CNTN5: variants seen among roughly 807,000 people sequenced by gnomAD.
CNTN5 encodes the protein contactin-5.
Under a neutral mutation model 129.1 loss-of-function variants are expected in CNTN5, and 77 were observed. The ratio of observed to expected loss-of-function variants is 0.60; its 90% CI spans 0.50 to 0.72. CNTN5 has a LOEUF of 0.72. Among genes scored for constraint, CNTN5 ranks in the 30% least tolerant of loss-of-function variants. The pLI, the probability that CNTN5 is intolerant of heterozygous loss-of-function variation, is 0.00. For missense variants in CNTN5, 1,478 were observed against 1,328.8 expected, an observed-to-expected ratio of 1.11 and a Z score of -1.75; for synonymous variants, 509 against 465.6, an observed-to-expected ratio of 1.09 and a Z score of -1.20.
chr11:99,651,723 T>C (rs898207415), intron 3 of CNTN5, among the ~76,000 whole-genome samples: 1 of 152,116 alleles, frequency 6.6e-6, no homozygotes, highest in East Asian at 1.9e-4. Flanking sequence ...AGCACTTACT[T>C]TTTAACCCTA....
chr11:100,133,243 G>A (rs1474799891), intron 13 of CNTN5, among the ~76,000 whole-genome samples: 1 of 152,108 alleles, frequency 6.6e-6, no homozygotes, highest in East Asian at 1.9e-4. Flanking sequence ...CACACAGGCT[G>A]TCAGCTTTTA....
intron 3 of CNTN5, among the ~76,000 whole-genome samples, chr11:99,716,752 G>A (rs1276050285): frequency 6.6e-6 from 1 of 152,088 alleles, no homozygotes. Context: ...AATAGTTTAA[G>A]TTCTCTAACT....
chr11:99,094,489 A>G (rs1450012527), intron 1 of CNTN5, among the ~76,000 whole-genome samples: 1 of 152,060 alleles, frequency 6.6e-6, no homozygotes, highest in Non-Finnish European at 1.5e-5. Context: ...ATTTTTAGGT[A>G]GAAACAAAAT....
chr11:99,920,331 C>G (rs1353926547), intron 7 of CNTN5, among the ~76,000 whole-genome samples: 1 of 152,090 alleles, frequency 6.6e-6, no homozygotes, highest in Non-Finnish European at 1.5e-5. Flanking sequence ...CTTCTTATCT[C>G]CTTAATAAAC....
At chr11:99,262,985 A>G (rs143064079) in intron 1 of CNTN5, among the ~76,000 whole-genome samples, 249 of 152,178 alleles carry the variant, frequency 1.6e-3, no homozygotes, top group African/African-American at 5.7e-3. Flanking sequence ...CCCTATGTCA[A>G]AATGAATTTT....
intron 16 of CNTN5, among the ~76,000 whole-genome samples, chr11:100,253,377 T>C (rs1950008553): frequency 6.6e-6 from 1 of 152,134 alleles, no homozygotes; most frequent in African/African-American, 2.4e-5. Context: ...AAACTTAACA[T>C]ATAATAAGGT....
intron 3 of CNTN5, among the ~76,000 whole-genome samples, chr11:99,682,103 T>C (rs1199224574): frequency 6.6e-6 from 1 of 151,994 alleles, no homozygotes; most frequent in Non-Finnish European, 1.5e-5. Context: ...ATACACAAAT[T>C]GTTTATGAAT....
intron 2 of CNTN5, among the ~76,000 whole-genome samples, chr11:99,382,382 T>TGCAGAC (rs1940621198): frequency 6.6e-6 from 1 of 152,148 alleles, no homozygotes. Flanking sequence ...CACGGACAGA[T>TGCAGAC]GCAGACGCAG....
chr11:100,234,843 TG>T (rs1168250715), intron 16 of CNTN5, among the ~76,000 whole-genome samples: 9 of 130,274 alleles, frequency 6.9e-5, no homozygotes, highest in Admixed American at 6.8e-4. Flanking sequence ...CTAAATAAAA[TG>T]CCACCAGGAA....
At chr11:99,194,674 C>T (rs577915040) in intron 1 of CNTN5, among the ~76,000 whole-genome samples, 65 of 152,178 alleles carry the variant, frequency 4.3e-4, no homozygotes, top group African/African-American at 1.5e-3. Context: ...GGCCCGATCT[C>T]GGCTCACTGC....
intron 2 of CNTN5, among the ~76,000 whole-genome samples, chr11:99,415,472 C>T (rs905556094): frequency 2.6e-5 from 4 of 152,144 alleles, no homozygotes; most frequent in Admixed American, 2.6e-4. Flanking sequence ...GTCTTATAAC[C>T]TATACCAGGT....
At chr11:99,169,323 T>G (rs1200601425) in intron 1 of CNTN5, among the ~76,000 whole-genome samples, 3 of 152,024 alleles carry the variant, frequency 2.0e-5, no homozygotes, top group Non-Finnish European at 4.4e-5. Context: ...TTTATAGTCA[T>G]GACTTGGAGA....
intron 6 of CNTN5, among the ~76,000 whole-genome samples, chr11:99,895,983 G>A (rs190841496): frequency 6.6e-6 from 1 of 152,268 alleles, no homozygotes; most frequent in East Asian, 1.9e-4. Flanking sequence ...GGACTCACTG[G>A]CTTGGGTCCC....
At position 99,519,820 on chromosome 11, in the gene CNTN5, G is replaced by A. The variant is rs116776731; in HGVS notation, c.-70-36325G>A. Among the ~76,000 whole-genome samples, 484 of 152,152 alleles carry A rather than the reference G, an allele frequency of 3.2e-3. 2 individuals are homozygous for A. The highest frequency in any genetic ancestry group is 0.011 in the African/African-American group (452 of 41,550). On this transcript the variant is annotated intron_variant, in intron 2 of 24. Coordinates refer to ENST00000524871, the MANE Select transcript of CNTN5 (RefSeq NM_014361.4). ...TTTGTACTGTCAAAAGAGTTGATAT[G>A]CCCTAATTCTCACCCTAACTAGACT...
intron 2 of CNTN5, among the ~76,000 whole-genome samples, chr11:99,400,748 C>T (rs1414696057): frequency 1.3e-5 from 2 of 152,060 alleles, no homozygotes; most frequent in Non-Finnish European, 2.9e-5. Flanking sequence ...TTTGTTACTG[C>T]CTGTCTTTTG....
At chr11:99,811,948 C>G (rs1433150117) in intron 3 of CNTN5, among the ~76,000 whole-genome samples, 1 of 152,056 alleles carries the variant, frequency 6.6e-6, no homozygotes, top group African/African-American at 2.4e-5. Context: ...GAAAATTTTT[C>G]TCTGAAAAGA....
intron 13 of CNTN5, among the ~76,000 whole-genome samples, chr11:100,111,770 C>G (rs75408767): frequency 1.3e-5 from 2 of 152,164 alleles, no homozygotes; most frequent in Admixed American, 6.6e-5. Context: ...AAATTTTATG[C>G]CTGTTGATTA....
At chr11:100,124,155 G>A (rs1490779391) in intron 13 of CNTN5, among the ~76,000 whole-genome samples, 1 of 151,944 alleles carries the variant, frequency 6.6e-6, no homozygotes, top group African/African-American at 2.4e-5. Context: ...AAAAGATACA[G>A]AAACTGAGGC....
chr11:99,437,935 T>C (rs1160623529), intron 2 of CNTN5, among the ~76,000 whole-genome samples: 1 of 152,234 alleles, frequency 6.6e-6, no homozygotes, highest in East Asian at 1.9e-4. Flanking sequence ...ACAATGCTAA[T>C]GTATTTTCCA....
Sources: allele counts gnomAD v4.1 joint callset (sites outside exome capture counted in the v4.1 genomes callset), GRCh38; gene constraint gnomAD v4.1.1; transcripts MANE v1.5; gene names NCBI Gene and HGNC (gene_info 2026-07-23, HGNC 2026-07-21).